Variants in GSG1L observed in about 807,000 individuals in gnomAD.
The protein encoded by GSG1L is GSG1 like.
GSG1L carries 24 observed loss-of-function variants against 42.1 expected under a neutral mutation model. The observed-to-expected ratio is 0.57, with a 90% CI of 0.41 to 0.80. GSG1L has a LOEUF of 0.80. Among genes scored for constraint, GSG1L ranks in the 30% least tolerant of loss-of-function variants. The pLI, the probability that GSG1L is intolerant of heterozygous loss-of-function variation, is 0.00. For missense variants in GSG1L, 445 were observed against 472.2 expected (o/e 0.94, Z 0.53); for synonymous variants, 215 against 203.5 (o/e 1.06, Z -0.48).
intron 5 of GSG1L, among the ~76,000 whole-genome samples, chr16:27,809,511 G>A (rs117483491): frequency 0.04 from 5,994 of 151,472 alleles, 157 homozygotes; most frequent in Non-Finnish European, 0.058. Context: ...CCAGGAGATC[G>A]AGGTTGCAGT....
intron 1 of GSG1L, among the ~76,000 whole-genome samples, chr16:28,020,047 CTG>C (rs1330085627): frequency 2.0e-5 from 3 of 152,198 alleles, no homozygotes; most frequent in Non-Finnish European, 4.4e-5. Flanking sequence ...GTTTCCTGTT[CTG>C]TGTTTGAAAG....
intron 1 of GSG1L, among the ~76,000 whole-genome samples, chr16:28,025,101 C>G (rs1186840073): frequency 6.6e-6 from 1 of 152,240 alleles, no homozygotes. Context: ...GAAAGCCAAC[C>G]TTGCAGGACT....
intron 3 of GSG1L, among the ~76,000 whole-genome samples, chr16:27,853,124 A>AC (rs2083534856): frequency 6.6e-6 from 1 of 152,220 alleles, no homozygotes; most frequent in South Asian, 2.1e-4. Context: ...TCATGAGACC[A>AC]ATCGGCTGGG....
chr16:27,987,328 T>C (rs1337618443), intron 1 of GSG1L, among the ~76,000 whole-genome samples: 2 of 152,128 alleles, frequency 1.3e-5, no homozygotes, highest in African/African-American at 4.8e-5. Context: ...TATGGTCAGA[T>C]GGGTTTAGGC....
intron 1 of GSG1L, among the ~76,000 whole-genome samples, chr16:28,034,820 C>T (rs913439872): frequency 1.3e-5 from 2 of 152,204 alleles, no homozygotes; most frequent in Admixed American, 6.5e-5. Context: ...TCATGACAAA[C>T]AAAAATGTCT....
chr16:27,847,681 G>T (rs78765600), intron 3 of GSG1L, among the ~76,000 whole-genome samples: 1 of 152,186 alleles, frequency 6.6e-6, no homozygotes, highest in Non-Finnish European at 1.5e-5. Flanking sequence ...GGACGTGACT[G>T]GATCATGGGG....
rs563091909 is a variant in GSG1L, at chr16:27,789,426, T to G, written c.*1944A>C. 1.3e-5 allele frequency: 2 copies of G among 150,296 alleles called. No individual in the cohort carries two copies. The highest frequency in any genetic ancestry group is 4.9e-5 in the African/African-American group (2 of 40,708). 9.3% of individuals were successfully genotyped at this position (150,296 alleles called of 1,614,324 possible). Reference sequence around the variant, plus strand: ...GAGTGGATGATGGATAATGGATAGATGGAGGGATGATGGCTGATGAATGAT... The same window carrying G: ...GAGTGGATGATGGATAATGGATAGAGGGAGGGATGATGGCTGATGAATGAT... On this transcript the variant is annotated 3_prime_UTR_variant, in exon 7 of 7. Transcript: ENST00000447459.
At position 27,839,475 on chromosome 16, in the gene GSG1L, G is replaced by A. The variant is rs538861859; in HGVS notation, c.662+5475C>T. Among the ~76,000 whole-genome samples, 11 of 152,292 alleles carry A rather than the reference G, an allele frequency of 7.2e-5. No individual in the cohort carries two copies. The East Asian group carries it at 2.1e-3, about 29-fold the overall frequency. ...AAAAGGCAAAACAGAAGCAGAAAGC[G>A]CAAGGCTAGCTTTCCACACTCCTGC... On this transcript the variant is annotated intron_variant, in intron 4 of 6. Transcript: ENST00000447459.
At chr16:28,060,857 A>C (rs1344172337) in intron 1 of GSG1L, among the ~76,000 whole-genome samples, 2 of 152,232 alleles carry the variant, frequency 1.3e-5, no homozygotes, top group Admixed American at 6.5e-5. Flanking sequence ...TTGTTTTTTA[A>C]ATAATTTTCA....
At chr16:27,882,323 A>C (rs554042317) in intron 3 of GSG1L, among the ~76,000 whole-genome samples, 4 of 152,180 alleles carry the variant, frequency 2.6e-5, no homozygotes, top group Admixed American at 2.6e-4. Context: ...TAAATTACCC[A>C]GTCTCGGGTA....
chr16:27,956,764 A>G (rs2085009887), intron 2 of GSG1L, among the ~76,000 whole-genome samples: 2 of 152,092 alleles, frequency 1.3e-5, no homozygotes, highest in South Asian at 4.1e-4. Flanking sequence ...GCCTTCCGAC[A>G]TGAGCTAAAC....
At chr16:28,055,303 C>T (rs568640161) in intron 1 of GSG1L, among the ~76,000 whole-genome samples, 1 of 152,174 alleles carries the variant, frequency 6.6e-6, no homozygotes, top group African/African-American at 2.4e-5. Context: ...CTTACAGGCA[C>T]ACACCACCAC....
At chr16:27,865,466 G>A (rs77757608) in intron 3 of GSG1L, among the ~76,000 whole-genome samples, 1,981 of 147,388 alleles carry the variant, frequency 0.013, 28 homozygotes, top group Non-Finnish European at 0.02. Context: ...GGAAGTGGCC[G>A]CACTGGATAA....
intron 2 of GSG1L, among the ~76,000 whole-genome samples, chr16:27,928,259 G>A (rs938257223): frequency 6.6e-6 from 1 of 152,222 alleles, no homozygotes; most frequent in Admixed American, 6.5e-5. Flanking sequence ...TCAGGAGGTT[G>A]AAAGGTAGTG....
intron 1 of GSG1L, among the ~76,000 whole-genome samples, chr16:28,047,425 A>G (rs1157458113): frequency 6.6e-6 from 1 of 152,156 alleles, no homozygotes; most frequent in Non-Finnish European, 1.5e-5. Flanking sequence ...AATTGGGAAC[A>G]TTCAACAAAA....
intron 1 of GSG1L, among the ~76,000 whole-genome samples, chr16:27,984,213 G>T (rs2085355387): frequency 6.6e-6 from 1 of 152,176 alleles, no homozygotes; most frequent in African/African-American, 2.4e-5. Context: ...AACGGGATTT[G>T]TCAGCCTCTT....
intron 1 of GSG1L, among the ~76,000 whole-genome samples, chr16:28,008,311 C>T (rs1432750114): frequency 1.3e-5 from 2 of 152,188 alleles, no homozygotes; most frequent in Non-Finnish European, 2.9e-5. Context: ...AATTCCTGAC[C>T]TCAGGTGATC....
intron 2 of GSG1L, among the ~76,000 whole-genome samples, chr16:27,934,428 G>C (rs955449227): frequency 1.3e-5 from 2 of 152,170 alleles, no homozygotes; most frequent in African/African-American, 4.8e-5. Flanking sequence ...TCAGCTATTT[G>C]GGAGGTTAAG....
chr16:27,831,701 G>C (rs1021443606), intron 4 of GSG1L, among the ~76,000 whole-genome samples: 5 of 152,194 alleles, frequency 3.3e-5, no homozygotes, highest in African/African-American at 1.2e-4. Context: ...AGCCAGACAG[G>C]CAATGGCTGG....
Sources: allele counts gnomAD v4.1 joint callset (sites outside exome capture counted in the v4.1 genomes callset), GRCh38; gene constraint gnomAD v4.1.1; transcripts MANE v1.5; gene names NCBI Gene and HGNC (gene_info 2026-07-23, HGNC 2026-07-21).